The following FILIP1L variants were observed in gnomAD, a reference collection of about 807,000 sequenced individuals.
The protein encoded by FILIP1L is filamin A-interacting protein 1-like.
Under a neutral mutation model 96.6 loss-of-function variants are expected in FILIP1L, and 55 were observed. That is an observed-to-expected ratio of 0.57 (90% confidence interval 0.46 to 0.71). The LOEUF (loss-of-function observed/expected upper bound fraction) is 0.71, where lower values mean the gene tolerates loss of function less well. Among genes scored for constraint, FILIP1L ranks in the 30% least tolerant of loss-of-function variants. The pLI is 0.00. For missense variants in FILIP1L, 1,304 were observed against 1,321.2 expected, an observed-to-expected ratio of 0.99 and a Z score of 0.20; for synonymous variants, 467 against 473.9, an observed-to-expected ratio of 0.99 and a Z score of 0.19.
At chr3:100,055,838 C>T (rs774374834) in intron 1 of FILIP1L, among the ~76,000 whole-genome samples, 3 of 152,170 alleles carry the variant, frequency 2.0e-5, no homozygotes, top group Non-Finnish European at 4.4e-5. Flanking sequence ...TATTAAATTA[C>T]TCTTCCACAA....
intron 4 of FILIP1L, among the ~76,000 whole-genome samples, chr3:99,883,309 G>A (rs554690443): frequency 1.3e-5 from 2 of 152,276 alleles, no homozygotes; most frequent in Admixed American, 1.3e-4. Flanking sequence ...ATGACACCAT[G>A]TTGAATAAAT....
At chr3:99,926,857 G>A (rs1233292343) in intron 3 of FILIP1L, among the ~76,000 whole-genome samples, 1 of 152,132 alleles carries the variant, frequency 6.6e-6, no homozygotes, top group Non-Finnish European at 1.5e-5. Context: ...TGGAAAGAAG[G>A]CTAGAAGGAA....
chr3:100,056,123 G>A (rs2065460029), intron 1 of FILIP1L, among the ~76,000 whole-genome samples: 1 of 152,128 alleles, frequency 6.6e-6, no homozygotes, highest in African/African-American at 2.4e-5. Flanking sequence ...TGAAGGGAAG[G>A]GAAGGCAGGG....
intron 1 of FILIP1L, among the ~76,000 whole-genome samples, chr3:99,933,453 A>G (rs892281116): frequency 2.6e-5 from 4 of 152,202 alleles, no homozygotes; most frequent in Non-Finnish European, 5.9e-5. Flanking sequence ...CATTGTGTGT[A>G]TATCTATTTA....
chr3:100,113,541 T>C (rs2066525449), intron 1 of FILIP1L, among the ~76,000 whole-genome samples: 1 of 152,186 alleles, frequency 6.6e-6, no homozygotes, highest in Admixed American at 6.5e-5. Flanking sequence ...AGATACAATA[T>C]AGTTGCCATT....
intron 1 of FILIP1L, among the ~76,000 whole-genome samples, chr3:100,071,513 A>T (rs2065762998): frequency 6.6e-6 from 1 of 152,044 alleles, no homozygotes; most frequent in East Asian, 1.9e-4. Flanking sequence ...TTTACATGGG[A>T]GAAGGGTGGG....
intron 1 of FILIP1L, among the ~76,000 whole-genome samples, chr3:100,008,231 A>G (rs1710043076): frequency 1.3e-5 from 2 of 152,184 alleles, no homozygotes; most frequent in Admixed American, 1.3e-4. Flanking sequence ...TTCCTGATAA[A>G]GGTAACTACT....
intron 4 of FILIP1L, among the ~76,000 whole-genome samples, chr3:99,922,714 C>T (rs376661114): frequency 2.0e-5 from 3 of 152,232 alleles, no homozygotes; most frequent in South Asian, 4.2e-4. Context: ...CATATGGATG[C>T]TTATACTGTC....
intron 4 of FILIP1L, among the ~76,000 whole-genome samples, chr3:99,865,598 A>G (rs758888873): frequency 2.0e-5 from 3 of 152,152 alleles, no homozygotes; most frequent in Non-Finnish European, 2.9e-5. Flanking sequence ...GGTTTAAAAA[A>G]TTGTGACTTT....
At chr3:100,081,287 C>G (rs2065928133) in intron 1 of FILIP1L, among the ~76,000 whole-genome samples, 2 of 152,068 alleles carry the variant, frequency 1.3e-5, no homozygotes, top group African/African-American at 2.4e-5. Flanking sequence ...AAATGGAGAA[C>G]AAATCACCTT....
At chr3:100,098,927 T>C (rs2066258549) in intron 1 of FILIP1L, among the ~76,000 whole-genome samples, 1 of 152,254 alleles carries the variant, frequency 6.6e-6, no homozygotes, top group African/African-American at 2.4e-5. Context: ...AATTTGGGAT[T>C]ATAAATAATG....
intron 4 of FILIP1L, among the ~76,000 whole-genome samples, chr3:99,862,305 G>A (rs1452819252): frequency 6.6e-6 from 1 of 152,172 alleles, no homozygotes; most frequent in African/African-American, 2.4e-5. Context: ...GACAACGTCA[G>A]TCACAATGAG....
intron 1 of FILIP1L, among the ~76,000 whole-genome samples, chr3:99,950,654 C>T (rs530426150): frequency 3.2e-4 from 49 of 152,232 alleles, no homozygotes; most frequent in African/African-American, 1.2e-3. Flanking sequence ...TTCCAATATT[C>T]GCCTCCCCAG....
At chr3:99,986,748 A>G (rs2107115683) in intron 1 of FILIP1L, among the ~76,000 whole-genome samples, 1 of 152,054 alleles carries the variant, frequency 6.6e-6, no homozygotes, top group East Asian at 1.9e-4. Context: ...CTTTTGCCCC[A>G]CCCCCAGGGG....
intron 4 of FILIP1L, among the ~76,000 whole-genome samples, chr3:99,921,902 G>T (rs745995190): frequency 6.6e-6 from 1 of 151,982 alleles, no homozygotes; most frequent in East Asian, 1.9e-4. Flanking sequence ...TCTCAGTGTT[G>T]TTCCTTCTTG....
intron 1 of FILIP1L, among the ~76,000 whole-genome samples, chr3:100,074,230 G>A (rs2065810548): frequency 1.3e-5 from 2 of 152,190 alleles, no homozygotes; most frequent in South Asian, 4.1e-4. Flanking sequence ...GCCCCCCTGG[G>A]CCTCCAGGCA....
At chr3:99,845,298 T>C (rs1943312319) in intron 5 of FILIP1L, among the ~76,000 whole-genome samples, 1 of 152,144 alleles carries the variant, frequency 6.6e-6, no homozygotes, top group Non-Finnish European at 1.5e-5. Flanking sequence ...CATGATAAAA[T>C]CATTCGAATC....
At chr3:99,978,878 C>T (rs1190336216) in intron 1 of FILIP1L, among the ~76,000 whole-genome samples, 1 of 151,408 alleles carries the variant, frequency 6.6e-6, no homozygotes, top group Non-Finnish European at 1.5e-5. Context: ...GAGCGAGACT[C>T]TTGTTTACAA....
intron 4 of FILIP1L, among the ~76,000 whole-genome samples, chr3:99,892,550 G>A (rs1706117056): frequency 6.6e-6 from 1 of 152,180 alleles, no homozygotes; most frequent in Admixed American, 6.5e-5. Context: ...TTGTGGCTTT[G>A]ATCTCTTCCC....
Sources: gnomAD v4.1 joint callset for allele counts (sites outside exome capture counted in the v4.1 genomes callset) on GRCh38, gnomAD v4.1.1 for gene constraint, MANE v1.5 for transcripts, NCBI Gene and HGNC (gene_info 2026-07-23, HGNC 2026-07-21) for gene names.